Variants in PPP1R16B observed in about 807,000 individuals in gnomAD.
PPP1R16B encodes the protein protein phosphatase 1 regulatory inhibitor subunit 16B.
In PPP1R16B, 14 loss-of-function variants were observed where a neutral mutation model predicts 61.7. The ratio of observed to expected loss-of-function variants is 0.23; its 90% CI spans 0.15 to 0.35. The LOEUF (loss-of-function observed/expected upper bound fraction) is 0.35. Among genes scored for constraint, PPP1R16B ranks in the 10% least tolerant of loss-of-function variants. PPP1R16B has a pLI of 1.00. For synonymous variants in PPP1R16B, 266 were observed against 305.3 expected (o/e 0.87, Z 1.34); for missense variants, 547 against 752.5 (o/e 0.73, Z 3.19).
intron 1 of PPP1R16B, among the ~76,000 whole-genome samples, chr20:38,831,290 A>T (rs916054648): frequency 6.6e-6 from 1 of 152,148 alleles, no homozygotes; most frequent in Non-Finnish European, 1.5e-5. Context: ...CTGTGTTCCC[A>T]TCACCCTCTG....
intron 1 of PPP1R16B, among the ~76,000 whole-genome samples, chr20:38,811,221 G>A (rs2084698662): frequency 6.6e-6 from 1 of 152,118 alleles, no homozygotes; most frequent in South Asian, 2.1e-4. Flanking sequence ...TTTTAGGATG[G>A]CTGATCAGAG....
At chr20:38,903,716 CCTT>C (rs1202993248) in intron 6 of PPP1R16B, among the ~76,000 whole-genome samples, 1 of 152,202 alleles carries the variant, frequency 6.6e-6, no homozygotes, top group African/African-American at 2.4e-5. Flanking sequence ...AACAATGGGA[CCTT>C]CTTCTCTCTC....
At chr20:38,814,519 G>A (rs1210946999) in intron 1 of PPP1R16B, among the ~76,000 whole-genome samples, 4 of 152,192 alleles carry the variant, frequency 2.6e-5, no homozygotes, top group Middle Eastern at 6.8e-3. Context: ...GATATGATTA[G>A]GCATTTAGCC....
In PPP1R16B at chr20:38,919,205, C is replaced by T. The variant is rs1418183729; in HGVS notation, c.*539C>T. 1 of 152,836 alleles carries T rather than the reference C, an allele frequency of 6.5e-6. No individual in the cohort carries two copies. Among genetic ancestry groups the T allele is most frequent in the Non-Finnish European group, 1.5e-5 (1 of 68,246 alleles). 9.5% of individuals were successfully genotyped at this position (152,836 alleles called of 1,614,324 possible). The stretch of plus-strand genomic sequence containing the variant: ...GACCTGCTAAGCTGAGACCCATAGT[C>T]CTGCTCAGAGTTATCCCAAAGTCTG... On this transcript the variant is annotated 3_prime_UTR_variant, in exon 11 of 11. Coordinates refer to ENST00000299824, the MANE Select transcript of PPP1R16B (RefSeq NM_015568.4).
intron 3 of PPP1R16B, among the ~76,000 whole-genome samples, chr20:38,894,005 G>T (rs904236056): frequency 6.6e-6 from 1 of 152,112 alleles, no homozygotes; most frequent in East Asian, 1.9e-4. Context: ...GCGCCGTGCT[G>T]CTGCGTGGTT....
intron 2 of PPP1R16B, among the ~76,000 whole-genome samples, chr20:38,864,199 T>A (rs532839110): frequency 4.9e-4 from 75 of 152,274 alleles, no homozygotes; most frequent in Non-Finnish European, 9.0e-4. Flanking sequence ...TGGTGGGGAA[T>A]GAGGAGTGAC....
In PPP1R16B at chr20:38,806,144, G is replaced by A. The variant is rs1750911244; in HGVS notation, c.-102+352G>A. On this transcript the variant is annotated intron_variant, in intron 1 of 10. Coordinates refer to ENST00000299824, the MANE Select transcript of PPP1R16B (RefSeq NM_015568.4). The surrounding 1 kb of genome is among the most constrained non-coding windows in gnomAD (Gnocchi z 4.5). Reference sequence around the variant, plus strand: ...CCTCGGTCTGTTCTGGACTCATGGGGCCGCCGTCTGCCGGGGGTGCAATGC... The same window carrying A: ...CCTCGGTCTGTTCTGGACTCATGGGACCGCCGTCTGCCGGGGGTGCAATGC... Among the ~76,000 whole-genome samples, 2 of 152,100 alleles carry A rather than the reference G, an allele frequency of 1.3e-5. No individual in the cohort carries two copies. Among genetic ancestry groups the A allele is most frequent in the Non-Finnish European group, 2.9e-5 (2 of 67,996 alleles).
intron 2 of PPP1R16B, chr20:38,872,800 G>C (rs1026106382): frequency 1.3e-5 from 2 of 153,276 alleles, no homozygotes; most frequent in South Asian, 2.1e-4. Flanking sequence ...CGTAGTCCCA[G>C]CTACTCGGTA....
At chr20:38,840,018 A>G (rs1389033082) in intron 2 of PPP1R16B, among the ~76,000 whole-genome samples, 1 of 152,222 alleles carries the variant, frequency 6.6e-6, no homozygotes, top group Non-Finnish European at 1.5e-5. Flanking sequence ...AGTGAGGGGA[A>G]GGGGCCAGAA....
intron 4 of PPP1R16B, 30 bp from the exon 5 acceptor site, chr20:38,900,550 CT>C (rs2085383888): frequency 6.3e-7 from 1 of 1,575,738 alleles, no homozygotes; most frequent in African/African-American, 1.4e-5. Context: ...GCCACACCTA[CT>C]TGGCCCTCAC....
rs1007066413 is a variant in PPP1R16B at position 38,922,817 on chromosome 20, A to G, written c.*4151A>G. 1 of 152,582 alleles carries G rather than the reference A, an allele frequency of 6.6e-6. No individual in the cohort carries two copies. Among genetic ancestry groups the G allele is most frequent in the Admixed American group, 6.5e-5 (1 of 15,272 alleles). 9.5% of individuals were successfully genotyped at this position (152,582 alleles called of 1,614,324 possible). A position where few individuals can be genotyped will look rare whatever the true frequency, so the allele number is the denominator to read the frequency against. On this transcript the variant is annotated 3_prime_UTR_variant, in exon 11 of 11. Coordinates refer to ENST00000299824, the MANE Select transcript of PPP1R16B (RefSeq NM_015568.4). ...TATATTTAAAACTTTTTTAAAAAAAATCTTCGCAGATCTTTGATATCGTAC... is the reference window on the plus strand; with the variant it reads ...TATATTTAAAACTTTTTTAAAAAAAGTCTTCGCAGATCTTTGATATCGTAC...
At chr20:38,859,087 C>T (rs536557843) in intron 2 of PPP1R16B, among the ~76,000 whole-genome samples, 66 of 152,296 alleles carry the variant, frequency 4.3e-4, no homozygotes, top group African/African-American at 1.5e-3. Context: ...AAGCCGACCC[C>T]GACTTCAGTG....
rs531361911 is a variant in PPP1R16B at position 38,806,028 on chromosome 20, G to A, written c.-102+236G>A. Reference sequence around the variant, plus strand: ...GAATGGGGGCGTTCTCCCCGGCCTCGCAATTCCTTGACGAGGCCAGGGGAG... The same window carrying A: ...GAATGGGGGCGTTCTCCCCGGCCTCACAATTCCTTGACGAGGCCAGGGGAG... On this transcript the variant is annotated intron_variant, in intron 1 of 10. Transcript: ENST00000299824. The surrounding 1 kb of genome is among the most constrained non-coding windows in gnomAD (Gnocchi z 4.5). Among the ~76,000 whole-genome samples, 1 of 151,558 alleles carries A rather than the reference G, an allele frequency of 6.6e-6. No individual in the cohort carries two copies. The highest frequency in any genetic ancestry group is 2.0e-4 in the East Asian group (1 of 5,096).
chr20:38,891,008 C>T (rs1160141483), intron 3 of PPP1R16B, among the ~76,000 whole-genome samples: 3 of 152,204 alleles, frequency 2.0e-5, no homozygotes, highest in African/African-American at 7.2e-5. Flanking sequence ...ATTGGAAACT[C>T]CCAGACTCCC....
chr20:38,874,982 G>A (rs988917005), intron 2 of PPP1R16B, among the ~76,000 whole-genome samples: 2 of 152,210 alleles, frequency 1.3e-5, no homozygotes, highest in Non-Finnish European at 2.9e-5. Flanking sequence ...GCAACAGCAA[G>A]TGCTCAGTAA....
chr20:38,877,952 GTTTTTTTTTTT>G (rs34151516), intron 2 of PPP1R16B, among the ~76,000 whole-genome samples: 1 of 57,776 alleles, frequency 1.7e-5, no homozygotes, highest in Non-Finnish European at 3.3e-5. Flanking sequence ...GCACACAGTT[GTTTTTTTTTTT>G]TTTTTTTTTT....
At chr20:38,869,436 G>A (rs2085112220) in intron 2 of PPP1R16B, among the ~76,000 whole-genome samples, 1 of 152,142 alleles carries the variant, frequency 6.6e-6, no homozygotes, top group Non-Finnish European at 1.5e-5. Flanking sequence ...TGGGATTACA[G>A]GCGTGAGCCA....
chr20:38,842,275 A>G lies in PPP1R16B; in HGVS notation c.250+6100A>G, dbSNP rs534409817. On this transcript the variant is annotated intron_variant, in intron 2 of 10. Coordinates refer to ENST00000299824, the MANE Select transcript of PPP1R16B (RefSeq NM_015568.4). ...ATCTGTGTTTGTTTTGGCCTTAGGC[A>G]TCCTGGTGTTTCTGCTGGCATCTTG... 1.8e-3 allele frequency among the ~76,000 whole-genome samples: 273 copies of G among 152,318 alleles called. 4 individuals carry two copies. Among genetic ancestry groups the G allele is most frequent in the African/African-American group, 6.4e-3 (267 of 41,560 alleles).
chr20:38,897,756 G>A (rs2085360732), intron 4 of PPP1R16B, among the ~76,000 whole-genome samples: 1 of 152,154 alleles, frequency 6.6e-6, no homozygotes, highest in Non-Finnish European at 1.5e-5. Flanking sequence ...ACCAACACTT[G>A]CTATTTTCTG....
Sources: allele counts gnomAD v4.1 joint callset (sites outside exome capture counted in the v4.1 genomes callset), GRCh38; gene constraint gnomAD v4.1.1; non-coding constraint Gnocchi (gnomAD v3.1); transcripts MANE v1.5; gene names NCBI Gene and HGNC (gene_info 2026-07-23, HGNC 2026-07-21).